UBAP2L: variants seen among roughly 807,000 people sequenced by gnomAD.
UBAP2L encodes the protein ubiquitin associated protein 2 like.
A neutral mutation model predicts 130.6 loss-of-function variants in UBAP2L; 12 were observed. That is an observed-to-expected ratio of 0.09 (90% CI 0.06 to 0.15). UBAP2L has a LOEUF of 0.15. Ranked by LOEUF, UBAP2L falls within the 10% of genes least tolerant of loss-of-function variation. UBAP2L has a pLI of 1.00. For missense variants in UBAP2L, 965 were observed against 1,332.5 expected, an observed-to-expected ratio of 0.72 and a Z score of 4.29; for synonymous variants, 503 against 524.7, an observed-to-expected ratio of 0.96 and a Z score of 0.57.
intron 1 of UBAP2L, among the ~76,000 whole-genome samples, chr1:154,222,796 C>T (rs1164076736): frequency 6.6e-6 from 1 of 152,132 alleles, no homozygotes; most frequent in Non-Finnish European, 1.5e-5. Context: ...ATAGTAGATT[C>T]TCAATAAATA....
intron 4 of UBAP2L, among the ~76,000 whole-genome samples, chr1:154,233,160 C>T (rs1235017528): frequency 6.6e-6 from 1 of 151,954 alleles, no homozygotes; most frequent in Non-Finnish European, 1.5e-5. Context: ...ATTACAGGTG[C>T]CTGCCACCAC....
chr1:154,220,362 C>A, upstream of UBAP2L: 1 of 1,614,222 alleles, frequency 6.2e-7, no homozygotes, highest in Non-Finnish European at 8.5e-7. Flanking sequence ...TAGGCCATCA[C>A]CAGCACGACA....
intron 1 of UBAP2L, 52 bp from the exon 2 acceptor site, chr1:154,225,031 TA>T: frequency 1.6e-6 from 2 of 1,275,928 alleles, no homozygotes; most frequent in Non-Finnish European, 2.2e-6. Context: ...ATGAGAGAGT[TA>T]AAAACATATT....
Position 154,235,239 on chromosome 1 carries a change from G to A in UBAP2L, c.492G>A (p.Gly164=), listed in dbSNP as rs1342626441. Reference sequence around the variant, plus strand: ...GATTGGATGGCACCAAGAGTGGAGGGCCTTCTGGAAGAGGAACAGAAAGAG... The same window carrying A: ...GATTGGATGGCACCAAGAGTGGAGGACCTTCTGGAAGAGGAACAGAAAGAG... ...ENGLDGTKSG[G]PSGRGTERGR... Residue 164 remains glycine, a synonymous_variant, in exon 6 of 27, where the codon GGG becomes GGA. Transcript: ENST00000428931. The A allele has an allele frequency of 1.3e-6, 1 of 779,232 alleles. No individual in the cohort carries two copies. Among genetic ancestry groups the A allele is most frequent in the Admixed American group, 1.7e-5 (1 of 58,472 alleles). The allele number at this position is 779,232 out of a possible 1,614,324, so 48.3% of individuals were successfully genotyped here. A position where few individuals can be genotyped will look rare whatever the true frequency, so the allele number is the denominator to read the frequency against.
At chr1:154,261,142 G>A (rs1347894708) in intron 23 of UBAP2L, 33 bp downstream of exon 23, 1 of 1,601,712 alleles carries the variant, frequency 6.2e-7, no homozygotes, top group Non-Finnish European at 8.5e-7. Flanking sequence ...TCCTTGTGGT[G>A]AAGGATCCTA....
chr1:154,259,896 G>A, intron 21 of UBAP2L, 52 bp from the exon 22 acceptor site: 1 of 1,530,754 alleles, frequency 6.5e-7, no homozygotes, highest in South Asian at 1.1e-5. Context: ...TAGTACTCAT[G>A]CTGGGGAATG....
rs200586214 is a variant in UBAP2L, at chr1:154,246,167, G to C, written c.843-37G>C. On this transcript the variant is annotated intron_variant, in intron 10 of 26. Transcript: ENST00000428931. ...GTGTTGGGGAATGTTAGCGTGTTCA[G>C]TCATTCTTCATGAAGATCCCTTCCC... is the stretch of plus-strand genomic sequence containing the variant. 6.1e-6 allele frequency: 3 copies of C among 490,702 alleles called. No homozygotes were observed. In the African/African-American group the frequency reaches 8.7e-5, roughly 14 times the overall value. 30.4% of individuals were successfully genotyped at this position (490,702 alleles called of 1,614,324 possible). A position where few individuals can be genotyped will look rare whatever the true frequency, so the allele number is the denominator to read the frequency against.
chr1:154,269,049 A>C, intron 26 of UBAP2L, 95 bp downstream of exon 26: 3 of 1,393,622 alleles, frequency 2.2e-6, no homozygotes, highest in Non-Finnish European at 3.0e-6. Context: ...CCTCACCACC[A>C]CCTTCACCCA....
chr1:154,229,844 C>T (rs1193620758), intron 4 of UBAP2L, among the ~76,000 whole-genome samples: 3 of 152,126 alleles, frequency 2.0e-5, no homozygotes, highest in Non-Finnish European at 4.4e-5. Flanking sequence ...CAAAATTCAT[C>T]CTTACAGATA....
At chr1:154,253,116 G>C (rs1177804128) in intron 14 of UBAP2L, among the ~76,000 whole-genome samples, 3 of 152,054 alleles carry the variant, frequency 2.0e-5, no homozygotes, top group Non-Finnish European at 4.4e-5. Flanking sequence ...TGATTCTCCT[G>C]CCTCAGCCTC....
rs770032190 is a variant in UBAP2L, at chr1:154,243,364, A to T, written c.842+62A>T. ...CACATCTGCTGAGATTACTGTAAAGAGAAGTGGCACTGGCCTTTGTAAACT... is the reference window on the plus strand; with the variant it reads ...CACATCTGCTGAGATTACTGTAAAGTGAAGTGGCACTGGCCTTTGTAAACT... On this transcript the variant is annotated intron_variant, in intron 10 of 26. Coordinates refer to ENST00000428931, the MANE Select transcript of UBAP2L (RefSeq NM_014847.4). 108 of 1,505,590 alleles carry T rather than the reference A, an allele frequency of 7.2e-5. 1 individual carries two copies. The highest frequency in any genetic ancestry group is 9.5e-5 in the Non-Finnish European group (104 of 1,089,678). 93.3% of individuals were successfully genotyped at this position (1,505,590 alleles called of 1,614,324 possible).
chr1:154,246,631 C>T (rs1282013226), intron 11 of UBAP2L, among the ~76,000 whole-genome samples: 1 of 152,188 alleles, frequency 6.6e-6, no homozygotes, highest in Non-Finnish European at 1.5e-5. Flanking sequence ...GCTGAATGAA[C>T]ACCATTTGCC....
chr1:154,227,454 C>G, intron 3 of UBAP2L, 95 bp downstream of exon 3: 3 of 1,113,082 alleles, frequency 2.7e-6, no homozygotes, highest in Non-Finnish European at 1.3e-6. Context: ...ATACTTTCTA[C>G]TATAGGTATT....
intron 6 of UBAP2L, among the ~76,000 whole-genome samples, chr1:154,235,719 A>C (rs1043077618): frequency 6.6e-6 from 1 of 152,198 alleles, no homozygotes. Context: ...TACATTGGCC[A>C]GGCTGGCCTC....
intron 11 of UBAP2L, among the ~76,000 whole-genome samples, 179 bp downstream of exon 11, chr1:154,246,554 C>G (rs2148817685): frequency 6.6e-6 from 1 of 152,252 alleles, no homozygotes; most frequent in African/African-American, 2.4e-5. Context: ...TAAGAGAGGA[C>G]TTAGTTCTGG....
chr1:154,229,902 G>C (rs1472592842), intron 4 of UBAP2L, among the ~76,000 whole-genome samples: 1 of 152,142 alleles, frequency 6.6e-6, no homozygotes, highest in Non-Finnish European at 1.5e-5. Context: ...TGTTGCCCAG[G>C]CTGGAGTGCA....
At chr1:154,238,536 C>T (rs571455792) in intron 8 of UBAP2L, among the ~76,000 whole-genome samples, 3 of 152,182 alleles carry the variant, frequency 2.0e-5, no homozygotes, top group South Asian at 2.1e-4. Context: ...CCTTAGCCTT[C>T]GCTGTCTTCA....
chr1:154,260,853 G>A, intron 22 of UBAP2L, 39 bp from the exon 23 acceptor site: 2 of 1,590,936 alleles, frequency 1.3e-6, no homozygotes, highest in Non-Finnish European at 1.7e-6. Flanking sequence ...TTGGTATTGG[G>A]GTGAAAGAGG....
At chr1:154,245,317 AGTGTGTT>A (rs2148798159) in intron 10 of UBAP2L, among the ~76,000 whole-genome samples, 1 of 152,338 alleles carries the variant, frequency 6.6e-6, no homozygotes, top group East Asian at 1.9e-4. Context: ...GGTTGAAAGA[AGTGTGTT>A]ATGAGTAACA....
Sources: allele counts gnomAD v4.1 joint callset (sites outside exome capture counted in the v4.1 genomes callset), GRCh38; gene constraint gnomAD v4.1.1; transcripts MANE v1.5; gene names NCBI Gene and HGNC (gene_info 2026-07-23, HGNC 2026-07-21).